Variants in ZNF680 observed in about 807,000 individuals in gnomAD.
ZNF680 encodes hypothetical protein FLJ90430.
In ZNF680, 6 loss-of-function variants were observed where a neutral mutation model predicts 12.1. The ratio of observed to expected loss-of-function variants is 0.49; its 90% CI spans 0.27 to 0.98. ZNF680 has a LOEUF of 0.98. ZNF680 is among the 50% of genes least tolerant of loss of function. The probability of loss-of-function intolerance (pLI) is 0.12; values close to 1 mark genes in which losing one functional copy is unlikely to be tolerated. For synonymous variants in ZNF680, 170 were observed against 199.3 expected (o/e 0.85, Z 1.24); for missense variants, 561 against 616.3 (o/e 0.91, Z 0.95).
At chr7:64,523,640 G>C (rs111362693) in intron 3 of ZNF680, among the ~76,000 whole-genome samples, 1 of 152,040 alleles carries the variant, frequency 6.6e-6, no homozygotes, top group South Asian at 2.1e-4. Context: ...AAGGCCGGGC[G>C]TGGTGGCTCA....
downstream of ZNF680, among the ~76,000 whole-genome samples, chr7:64,516,684 G>A (rs1032978893): frequency 8.5e-5 from 13 of 152,188 alleles, no homozygotes; most frequent in African/African-American, 2.4e-4. Flanking sequence ...TAATCAGGAC[G>A]TGAAACTTTC....
chr7:64,534,302 C>T lies in ZNF680; in HGVS notation c.253+9405G>A, dbSNP rs1786041714. Among the ~76,000 whole-genome samples, 4 of 152,192 alleles carry T rather than the reference C, an allele frequency of 2.6e-5. No individual in the cohort carries two copies. In the South Asian group the frequency reaches 6.2e-4, roughly 24 times the overall value. On this transcript the variant is annotated intron_variant, in intron 3 of 3. Coordinates refer to ENST00000309683, the MANE Select transcript of ZNF680 (RefSeq NM_178558.5). ...ACTAATATCCAGAATCTACAATGAA[C>T]TCAAATCAGCAAGAAAAAAACAAAC...
rs1405497550 is a variant in ZNF680, at chr7:64,545,000, T to C, written c.31-568A>G. On this transcript the variant is annotated intron_variant, in intron 1 of 3. Transcript: ENST00000309683. The stretch of plus-strand genomic sequence containing the variant: ...TTGGCCAGGCATGGTGGCTCACGCC[T>C]GTAATCCCAGCACTCTGGGAGGCCG... 2.6e-5 allele frequency among the ~76,000 whole-genome samples: 4 copies of C among 152,110 alleles called. No homozygotes were observed. In the East Asian group the frequency reaches 7.7e-4, roughly 29 times the overall value.
intron 3 of ZNF680, among the ~76,000 whole-genome samples, chr7:64,528,641 C>T (rs1263312821): frequency 6.6e-6 from 1 of 152,138 alleles, no homozygotes; most frequent in Non-Finnish European, 1.5e-5. Flanking sequence ...GGGAACTTCA[C>T]CCCCATCCTC....
intron 3 of ZNF680, among the ~76,000 whole-genome samples, chr7:64,543,105 C>A (rs184771730): frequency 6.6e-6 from 1 of 151,588 alleles, no homozygotes; most frequent in African/African-American, 2.4e-5. Context: ...AACTCCCTAT[C>A]GAAATTCCAG....
At chr7:64,508,147 A>ATATATATATATATATAT in the ZNF680 span, among the ~76,000 whole-genome samples, 111 of 135,128 alleles carry the variant, frequency 8.2e-4, no homozygotes, top group Middle Eastern at 7.7e-3. Context: ...ATATATACAT[A>ATATATATATATATATAT]ATTTTTTTTT....
chr7:64,526,156 T>C lies in ZNF680; in HGVS notation c.254-3656A>G, dbSNP rs553509842. 1.1e-3 allele frequency: 973 copies of C among 905,634 alleles called. 1 individual carries two copies. The highest frequency in any genetic ancestry group is 1.9e-3 in the African/African-American group (105 of 56,200). 56.1% of individuals were successfully genotyped at this position (905,634 alleles called of 1,614,324 possible). ...GTAAAACTTATTGGACACCATCAAG[T>C]ACATCAATATATTCATTAAAAAACT... On this transcript the variant is annotated intron_variant, in intron 3 of 3. Coordinates refer to ENST00000309683, the MANE Select transcript of ZNF680 (RefSeq NM_178558.5).
At chr7:64,518,494 G>A (rs547757194), downstream of ZNF680, among the ~76,000 whole-genome samples, 1 of 152,066 alleles carries the variant, frequency 6.6e-6, no homozygotes, top group South Asian at 2.1e-4. Flanking sequence ...TGACTACATT[G>A]CCAAAAGCAA....
At chr7:64,556,010 T>A (rs550332260) in intron 1 of ZNF680, among the ~76,000 whole-genome samples, 1 of 150,660 alleles carries the variant, frequency 6.6e-6, no homozygotes, top group African/African-American at 2.4e-5. Context: ...TCAAAAAAAA[T>A]CCCATTCACA....
chr7:64,525,894 G>A (rs1157677004), intron 3 of ZNF680: 13 of 984,728 alleles, frequency 1.3e-5, no homozygotes, highest in Non-Finnish European at 1.6e-5. Flanking sequence ...GTCATAAAAA[G>A]AACAGGGAAA....
chr7:64,542,761 C>T (rs1786574972), intron 3 of ZNF680, among the ~76,000 whole-genome samples: 1 of 152,108 alleles, frequency 6.6e-6, no homozygotes, highest in African/African-American at 2.4e-5. Flanking sequence ...TGCAGTGGTA[C>T]AATCTCAGCT....
intron 1 of ZNF680, among the ~76,000 whole-genome samples, chr7:64,548,468 C>A (rs1441520249): frequency 1.3e-5 from 2 of 152,174 alleles, no homozygotes; most frequent in East Asian, 1.9e-4. Context: ...ATGGTAGGAA[C>A]CCTGACTGCT....
In ZNF680 at chr7:64,520,618, G is replaced by A. The variant is rs1210142835; in HGVS notation, c.*543C>T. The A allele has an allele frequency of 6.6e-6, 1 of 151,746 alleles. No homozygotes were observed. The highest frequency in any genetic ancestry group is 1.5e-5 in the Non-Finnish European group (1 of 67,726). 9.4% of individuals were successfully genotyped at this position (151,746 alleles called of 1,614,324 possible). A position where few individuals can be genotyped will look rare whatever the true frequency, so the allele number is the denominator to read the frequency against. ...TACGCCGTAGTTTTTGAAAAAAAATGTTTTTCCAAATTCATTACATTTGCA... is the reference window on the plus strand; with the variant it reads ...TACGCCGTAGTTTTTGAAAAAAAATATTTTTCCAAATTCATTACATTTGCA... On this transcript the variant is annotated 3_prime_UTR_variant, in exon 4 of 4. Coordinates refer to ENST00000309683, the MANE Select transcript of ZNF680 (RefSeq NM_178558.5).
the ZNF680 span, among the ~76,000 whole-genome samples, chr7:64,503,495 C>G: frequency 6.6e-6 from 1 of 150,982 alleles, no homozygotes; most frequent in East Asian, 2.0e-4. Context: ...ATTCTCCTGC[C>G]TCAGCCTCCT....
At chr7:64,499,845 C>A in the ZNF680 span, among the ~76,000 whole-genome samples, 1 of 152,310 alleles carries the variant, frequency 6.6e-6, no homozygotes, top group African/African-American at 2.4e-5. Context: ...ACAATGGGCC[C>A]CAGTAAAACA....
At chr7:64,539,609 G>T (rs1260424173) in intron 3 of ZNF680, among the ~76,000 whole-genome samples, 1 of 152,076 alleles carries the variant, frequency 6.6e-6, no homozygotes, top group South Asian at 2.1e-4. Flanking sequence ...AAAACTTTTA[G>T]AAGTATTTTG....
At chr7:64,531,087 A>G (rs970664458) in intron 3 of ZNF680, among the ~76,000 whole-genome samples, 1 of 152,102 alleles carries the variant, frequency 6.6e-6, no homozygotes, top group Non-Finnish European at 1.5e-5. Context: ...CAGAAAATTA[A>G]CAAAGAAACA....
At chr7:64,562,786 G>T in intron 1 of ZNF680, 139 bp downstream of exon 1, 1 of 928,932 alleles carries the variant, frequency 1.1e-6, no homozygotes, top group Non-Finnish European at 1.7e-6. Context: ...AGGGGACTGA[G>T]GACCGAGCTG....
chr7:64,502,066 GCA>G, the ZNF680 span, among the ~76,000 whole-genome samples: 1 of 137,686 alleles, frequency 7.3e-6, no homozygotes, highest in Non-Finnish European at 1.5e-5. Context: ...GTGCAGTGGT[GCA>G]ATCTTGCTTC....
Sources: allele counts gnomAD v4.1 joint callset (sites outside exome capture counted in the v4.1 genomes callset), GRCh38; gene constraint gnomAD v4.1.1; transcripts MANE v1.5; gene names NCBI Gene and HGNC (gene_info 2026-07-23, HGNC 2026-07-21).